ITGBL1: variants seen among roughly 807,000 people sequenced by gnomAD.
ITGBL1 encodes the protein integrin beta-like protein 1.
Under a neutral mutation model 68.5 loss-of-function variants are expected in ITGBL1, and 51 were observed. The observed-to-expected ratio is 0.74, with a 90% CI of 0.59 to 0.94. ITGBL1 has a LOEUF of 0.94. Among genes scored for constraint, ITGBL1 ranks in the 40% least tolerant of loss-of-function variants. The pLI is 0.00. For synonymous variants in ITGBL1, 209 were observed against 227.3 expected, an observed-to-expected ratio of 0.92 and a Z score of 0.72; for missense variants, 649 against 647.4, an observed-to-expected ratio of 1.00 and a Z score of -0.03.
intron 7 of ITGBL1, among the ~76,000 whole-genome samples, chr13:101,603,234 C>A (rs1476401550): frequency 1.3e-5 from 2 of 151,836 alleles, no homozygotes; most frequent in African/African-American, 4.8e-5. Flanking sequence ...CTTGCCATTT[C>A]TTGGTATTGT....
chr13:101,625,955 G>A (rs1384534905), intron 7 of ITGBL1, among the ~76,000 whole-genome samples: 4 of 152,088 alleles, frequency 2.6e-5, no homozygotes, highest in South Asian at 2.1e-4. Flanking sequence ...TTTAAAATGC[G>A]GTAGATTTCT....
intron 2 of ITGBL1, among the ~76,000 whole-genome samples, chr13:101,475,586 T>C (rs4617703): frequency 0.87 from 132,999 of 152,102 alleles, 58,284 homozygotes; most frequent in East Asian, 1. Context: ...TTATAGAACA[T>C]CAAATAGATT....
At chr13:101,708,622 A>G (rs1288460719) in intron 9 of ITGBL1, among the ~76,000 whole-genome samples, 4 of 152,318 alleles carry the variant, frequency 2.6e-5, no homozygotes, top group African/African-American at 4.8e-5. Flanking sequence ...TGCAAGACCA[A>G]TGCTATCAAG....
intron 2 of ITGBL1, among the ~76,000 whole-genome samples, chr13:101,501,877 G>A (rs2048948320): frequency 6.6e-6 from 1 of 152,150 alleles, no homozygotes; most frequent in Admixed American, 6.5e-5. Flanking sequence ...TTCCTGAAGT[G>A]GCTCATGGTT....
chr13:101,600,712 T>TTTA (rs1182950235), intron 7 of ITGBL1, among the ~76,000 whole-genome samples: 1 of 152,228 alleles, frequency 6.6e-6, no homozygotes, highest in Non-Finnish European at 1.5e-5. Flanking sequence ...ATTTTTGTCT[T>TTTA]TGGTTCTGTT....
At chr13:101,583,181 G>C in intron 5 of ITGBL1, 35 bp from the exon 6 acceptor site, 1 of 1,601,196 alleles carries the variant, frequency 6.2e-7, no homozygotes, top group Non-Finnish European at 8.6e-7. Flanking sequence ...GGTTTTTCTT[G>C]ACTGGATTCT....
chr13:101,641,635 A>G (rs1209345618), intron 7 of ITGBL1, among the ~76,000 whole-genome samples: 1 of 150,520 alleles, frequency 6.6e-6, no homozygotes, highest in Non-Finnish European at 1.5e-5. Context: ...ATATGTATAC[A>G]TGTGCCATGT....
chr13:101,583,280 T>C lies in ITGBL1; in HGVS notation c.792T>C (p.Ile264=). Reference sequence around the variant, plus strand: ...ATCCGACTGGGGACTGGGGAGATATTCATGGGGACACCTGTGAATGTGATG... The same window carrying C: ...ATCCGACTGGGGACTGGGGAGATATCCATGGGGACACCTGTGAATGTGATG... ...DVDPTGDWGD[I]HGDTCECDER... Residue 264 remains isoleucine (I), a synonymous_variant, in exon 6 of 11, where the codon ATT becomes ATC. Coordinates refer to ENST00000376180, the MANE Select transcript of ITGBL1 (RefSeq NM_004791.3). 1.2e-6 allele frequency: 2 copies of C among 1,613,702 alleles called. No individual in the cohort carries two copies. The highest frequency in any genetic ancestry group is 8.5e-7 in the Non-Finnish European group (1 of 1,179,734).
intron 2 of ITGBL1, among the ~76,000 whole-genome samples, chr13:101,539,972 AT>A (rs1053774947): frequency 1.3e-5 from 2 of 152,084 alleles, no homozygotes; most frequent in Non-Finnish European, 2.9e-5. Flanking sequence ...AGATGAGTAG[AT>A]TGCAAAAATT....
intron 7 of ITGBL1, among the ~76,000 whole-genome samples, chr13:101,663,099 A>G (rs952446502): frequency 1.3e-5 from 2 of 152,180 alleles, no homozygotes; most frequent in Non-Finnish European, 2.9e-5. Flanking sequence ...CTTTGTTTCT[A>G]TCTGTGATGG....
chr13:101,579,216 GAGAT>G, intron 4 of ITGBL1, 67 bp from the exon 5 acceptor site: 1 of 1,536,158 alleles, frequency 6.5e-7, no homozygotes, highest in African/African-American at 1.4e-5. Context: ...TGATCACAAA[GAGAT>G]AGAAAGTTAA....
downstream of ITGBL1, chr13:101,716,814 A>G (rs573105772): frequency 4.6e-5 from 7 of 152,136 alleles, no homozygotes; most frequent in African/African-American, 1.7e-4. Context: ...AAATCTAGAA[A>G]TGGCTTAAAT....
chr13:101,461,122 T>G (rs1349385131), intron 2 of ITGBL1, among the ~76,000 whole-genome samples: 2 of 152,172 alleles, frequency 1.3e-5, no homozygotes, highest in Non-Finnish European at 2.9e-5. Context: ...CAGGAGTTAT[T>G]TTCTATGTAA....
At chr13:101,678,349 C>T (rs531175951) in intron 7 of ITGBL1, among the ~76,000 whole-genome samples, 72 of 152,152 alleles carry the variant, frequency 4.7e-4, no homozygotes, top group Admixed American at 1.2e-3. Context: ...AAAAGATAAG[C>T]CTATTTGTGA....
intron 2 of ITGBL1, among the ~76,000 whole-genome samples, chr13:101,536,041 G>T (rs988063163): frequency 3.7e-5 from 4 of 107,442 alleles, no homozygotes; most frequent in Non-Finnish European, 1.9e-5. Context: ...AAGGTTGGTG[G>T]CCCTTTTCTA....
At chr13:101,543,680 C>G (rs1269442283) in intron 2 of ITGBL1, among the ~76,000 whole-genome samples, 1 of 152,198 alleles carries the variant, frequency 6.6e-6, no homozygotes, top group East Asian at 1.9e-4. Context: ...TTCTCCCTGT[C>G]ACTTTCAGGT....
chr13:101,535,981 G>T (rs954870165), intron 2 of ITGBL1, among the ~76,000 whole-genome samples: 1 of 151,944 alleles, frequency 6.6e-6, no homozygotes, highest in East Asian at 1.9e-4. Flanking sequence ...AATAGATTTT[G>T]TGTTTGATCC....
intron 2 of ITGBL1, among the ~76,000 whole-genome samples, chr13:101,552,373 A>C (rs942232525): frequency 6.6e-6 from 1 of 152,108 alleles, no homozygotes; most frequent in Non-Finnish European, 1.5e-5. Context: ...CATTTGAAAT[A>C]TTTCTCCCTT....
At chr13:101,468,010 G>A (rs956926467) in intron 2 of ITGBL1, among the ~76,000 whole-genome samples, 2 of 152,088 alleles carry the variant, frequency 1.3e-5, no homozygotes, top group African/African-American at 2.4e-5. Flanking sequence ...AAATGAAAAC[G>A]TGGTAAATGC....
Sources: gnomAD v4.1 joint callset for allele counts (sites outside exome capture counted in the v4.1 genomes callset) on GRCh38, gnomAD v4.1.1 for gene constraint, MANE v1.5 for transcripts, NCBI Gene and HGNC (gene_info 2026-07-23, HGNC 2026-07-21) for gene names.